HMGB1: variants seen among roughly 807,000 people sequenced by gnomAD.
HMGB1 encodes high mobility group box 1.
For synonymous variants in HMGB1, 81 were observed against 84.0 expected, an observed-to-expected ratio of 0.96 and a Z score of 0.19; for missense variants, 79 against 253.5, an observed-to-expected ratio of 0.31 and a Z score of 4.67.
At chr13:30,557,976 T>C (rs1465688394) in intron 1 of HMGB1, among the ~76,000 whole-genome samples, 1 of 152,208 alleles carries the variant, frequency 6.6e-6, no homozygotes, top group Non-Finnish European at 1.5e-5. Flanking sequence ...CCTCCTTTTT[T>C]CACATGTCTG....
intron 1 of HMGB1, among the ~76,000 whole-genome samples, chr13:30,541,398 T>C (rs1302508955): frequency 6.6e-6 from 1 of 152,208 alleles, no homozygotes; most frequent in Non-Finnish European, 1.5e-5. Flanking sequence ...TAAGATTTCC[T>C]GGAAGTAAGT....
intron 1 of HMGB1, among the ~76,000 whole-genome samples, chr13:30,505,745 T>C (rs1887850121): frequency 1.3e-5 from 2 of 152,286 alleles, no homozygotes; most frequent in South Asian, 4.1e-4. Flanking sequence ...AGTGGATTAG[T>C]GTGAAGCAAT....
intron 1 of HMGB1, among the ~76,000 whole-genome samples, chr13:30,563,926 T>C (rs1870070294): frequency 6.6e-6 from 1 of 152,244 alleles, no homozygotes; most frequent in Non-Finnish European, 1.5e-5. Context: ...CTGTGTTCTT[T>C]AATTTACAAG....
chr13:30,546,691 T>A (rs1385164056), intron 1 of HMGB1, among the ~76,000 whole-genome samples: 10 of 152,026 alleles, frequency 6.6e-5, no homozygotes, highest in Admixed American at 6.6e-4. Context: ...TGCTATGTTG[T>A]CCAGACTTGT....
chr13:30,511,863 G>A (rs1220866009), intron 1 of HMGB1, among the ~76,000 whole-genome samples: 1 of 152,150 alleles, frequency 6.6e-6, no homozygotes, highest in Non-Finnish European at 1.5e-5. Context: ...CAGAGGACAA[G>A]TCATAATCTC....
intron 1 of HMGB1, among the ~76,000 whole-genome samples, chr13:30,608,682 A>C (rs1186994800): frequency 6.6e-6 from 1 of 152,236 alleles, no homozygotes; most frequent in Non-Finnish European, 1.5e-5. Flanking sequence ...GTAGTGGGAC[A>C]AGCTCTATTC....
intron 3 of HMGB1, 28 bp downstream of exon 3, chr13:30,463,179 G>T: frequency 6.3e-7 from 1 of 1,595,694 alleles, no homozygotes; most frequent in Non-Finnish European, 8.5e-7. Context: ...AAACGTGTCT[G>T]GGAAGTAAAA....
chr13:30,518,068 C>T (rs555833341), intron 1 of HMGB1, among the ~76,000 whole-genome samples: 41 of 152,108 alleles, frequency 2.7e-4, no homozygotes, highest in East Asian at 2.3e-3. Flanking sequence ...TGGTGGCTCA[C>T]GCCTGTAATC....
At chr13:30,556,252 A>G (rs1378067962) in intron 1 of HMGB1, among the ~76,000 whole-genome samples, 1 of 152,160 alleles carries the variant, frequency 6.6e-6, no homozygotes, top group Non-Finnish European at 1.5e-5. Context: ...TAAAAACACA[A>G]AAATTAGCCA....
chr13:30,581,949 G>A (rs1231138227), intron 1 of HMGB1, among the ~76,000 whole-genome samples: 2 of 152,186 alleles, frequency 1.3e-5, no homozygotes, highest in African/African-American at 4.8e-5. Context: ...CTTACTGAAG[G>A]AAGTGTTTTA....
intron 3 of HMGB1, 34 bp downstream of exon 3, chr13:30,463,173 G>C (rs769337704): frequency 1.0e-5 from 16 of 1,589,672 alleles, no homozygotes; most frequent in South Asian, 2.3e-5. Context: ...ACTGTAAAAC[G>C]TGTCTGGGAA....
At chr13:30,561,202 T>C (rs1478955154) in intron 1 of HMGB1, among the ~76,000 whole-genome samples, 1 of 152,124 alleles carries the variant, frequency 6.6e-6, no homozygotes, top group African/African-American at 2.4e-5. Context: ...GGGCAGCCAA[T>C]AGACGGCAGT....
intron 1 of HMGB1, among the ~76,000 whole-genome samples, chr13:30,596,441 CCA>C (rs1871613957): frequency 6.6e-6 from 1 of 152,114 alleles, no homozygotes; most frequent in African/African-American, 2.4e-5. Flanking sequence ...AAATGTCTCA[CCA>C]CAGTCACAGA....
At chr13:30,464,463 G>A in intron 1 of HMGB1, 1 of 985,088 alleles carries the variant, frequency 1.0e-6, no homozygotes, top group East Asian at 1.1e-4. Flanking sequence ...TGACTCCTGC[G>A]CGGGGCGAGC....
chr13:30,463,173 G>A (rs769337704), intron 3 of HMGB1, 34 bp downstream of exon 3: 1 of 1,589,790 alleles, frequency 6.3e-7, no homozygotes, highest in Non-Finnish European at 8.5e-7. Context: ...ACTGTAAAAC[G>A]TGTCTGGGAA....
intron 2 of HMGB1, 72 bp from the exon 3 acceptor site, chr13:30,463,424 C>T (rs1886484115): frequency 1.3e-6 from 2 of 1,532,154 alleles, no homozygotes; most frequent in Non-Finnish European, 1.8e-6. Context: ...ATGTCTTTTG[C>T]TATGTAATAG....
At chr13:30,546,078 G>A (rs1285792951) in intron 1 of HMGB1, among the ~76,000 whole-genome samples, 6 of 152,050 alleles carry the variant, frequency 3.9e-5, no homozygotes, top group African/African-American at 1.4e-4. Context: ...CCATCATCAC[G>A]GAAAGTTCTA....
At chr13:30,523,468 G>A (rs1292227144) in intron 1 of HMGB1, among the ~76,000 whole-genome samples, 2 of 152,030 alleles carry the variant, frequency 1.3e-5, no homozygotes, top group African/African-American at 2.4e-5. Context: ...AATCTTATTG[G>A]AGTTACAGAG....
At chr13:30,555,278 T>A (rs1192800401) in intron 1 of HMGB1, among the ~76,000 whole-genome samples, 3 of 152,068 alleles carry the variant, frequency 2.0e-5, no homozygotes, top group Non-Finnish European at 2.9e-5. Flanking sequence ...CCTGACCTCG[T>A]GATCCGCCCG....
Sources: gnomAD v4.1 joint callset for allele counts (sites outside exome capture counted in the v4.1 genomes callset) on GRCh38, gnomAD v4.1.1 for gene constraint, MANE v1.5 for transcripts, NCBI Gene and HGNC (gene_info 2026-07-23, HGNC 2026-07-21) for gene names.